RBM33: variants seen among roughly 807,000 people sequenced by gnomAD.
RBM33 encodes the protein RNA-binding protein 33.
A neutral mutation model predicts 132.6 loss-of-function variants in RBM33; 28 were observed. The observed-to-expected ratio is 0.21, with a 90% CI of 0.16 to 0.29. The LOEUF (loss-of-function observed/expected upper bound fraction) is 0.29. Ranked by LOEUF, RBM33 falls within the 10% of genes least tolerant of loss-of-function variation. The pLI, the probability that RBM33 is intolerant of heterozygous loss-of-function variation, is 1.00. For missense variants in RBM33, 1,291 were observed against 1,518.5 expected, an observed-to-expected ratio of 0.85 and a Z score of 2.49; for synonymous variants, 634 against 593.0, an observed-to-expected ratio of 1.07 and a Z score of -1.01.
In RBM33 at chr7:155,700,773, G is replaced by C; in HGVS notation, c.568G>C (p.Gly190Arg). 1 of 1,557,266 alleles carries C rather than the reference G, an allele frequency of 6.4e-7. No homozygotes were observed. The highest frequency in any genetic ancestry group is 1.2e-5 in the South Asian group (1 of 84,206). ...TTTGCCTTGTGTATCTGCAATATAG[G>C]GAGGTATGGAAACATTGGAACTTCA... Reference protein sequence around the residue: ...EINEPLDEFTGGMETLELQKD... With the variant: ...EINEPLDEFTRGMETLELQKD... The change falls in exon 6 of 18, where the codon GGA becomes CGA. Residue 190 changes from glycine (G) to arginine (R), a missense_variant and splice_region_variant. This residue lies in a region of RBM33 where 194 missense variants were observed against 249.8 expected (regional missense o/e 0.78). Transcript: ENST00000401878.
In RBM33 at chr7:155,739,713, A is replaced by G; in HGVS notation, c.1738-2A>G. 1 of 1,543,288 alleles carries G rather than the reference A, an allele frequency of 6.5e-7. No homozygotes were observed. Among genetic ancestry groups the G allele is most frequent in the Non-Finnish European group, 8.8e-7 (1 of 1,142,840 alleles). ...TTGTTTCTCTTTCTTTGGAAATGGA[A>G]GGGGCCGTTGCATCCTCCATTGCCC... On this transcript the variant is annotated splice_acceptor_variant, in intron 11 of 17. Coordinates refer to ENST00000401878, the MANE Select transcript of RBM33 (RefSeq NM_053043.3). LOFTEE classifies it high-confidence loss of function.
chr7:155,689,280 C>G (rs1799565240), intron 5 of RBM33, among the ~76,000 whole-genome samples: 2 of 152,164 alleles, frequency 1.3e-5, no homozygotes, highest in South Asian at 2.1e-4. Flanking sequence ...ATAGTATTCT[C>G]TGATGGTAGT....
chr7:155,697,737 G>C lies in RBM33; in HGVS notation c.568-3036G>C, dbSNP rs575610958. 4.6e-5 allele frequency among the ~76,000 whole-genome samples: 7 copies of C among 152,274 alleles called. No homozygotes were observed. The South Asian group carries it at 1.5e-3, about 32-fold the overall frequency. The stretch of plus-strand genomic sequence containing the variant: ...AACTTCAAAATATATACAAGTCTGA[G>C]TATTTTTCCCTCTTTGCTTTTCCAG... On this transcript the variant is annotated intron_variant, in intron 5 of 17. Coordinates refer to ENST00000401878, the MANE Select transcript of RBM33 (RefSeq NM_053043.3).
rs754177553 is a variant in RBM33 at position 155,739,879 on chromosome 7, GCAC to G, written c.1922_1924del (p.His641del). On this transcript the variant is annotated inframe_deletion, in exon 12 of 18. Coordinates refer to ENST00000401878, the MANE Select transcript of RBM33 (RefSeq NM_053043.3). Reference sequence around the variant, plus strand: ...CACCACAGCACCCGCCGCAGCACCAGCACCACCACCACCACCACCACCTGTCCG... The same window carrying G: ...CACCACAGCACCCGCCGCAGCACCAGCACCACCACCACCACCACCTGTCCG... The G allele has an allele frequency of 9.5e-5, 129 of 1,359,786 alleles. No homozygotes were observed. Among genetic ancestry groups the G allele is most frequent in the Middle Eastern group, 2.0e-4 (1 of 5,100 alleles). 84.2% of individuals were successfully genotyped at this position (1,359,786 alleles called of 1,614,324 possible). A position where few individuals can be genotyped will look rare whatever the true frequency, so the allele number is the denominator to read the frequency against.
At chr7:155,682,950 C>T (rs1799374989) in intron 5 of RBM33, among the ~76,000 whole-genome samples, 1 of 151,746 alleles carries the variant, frequency 6.6e-6, no homozygotes, top group Non-Finnish European at 1.5e-5. Context: ...TTTAATAATA[C>T]TCACGGTACT....
chr7:155,669,439 A>G (rs1048626079), intron 2 of RBM33, among the ~76,000 whole-genome samples: 6 of 152,096 alleles, frequency 3.9e-5, no homozygotes, highest in African/African-American at 1.2e-4. Flanking sequence ...TGCAACCTCT[A>G]CCTCCCAGGT....
intron 9 of RBM33, among the ~76,000 whole-genome samples, chr7:155,722,651 A>G (rs2116998077): frequency 6.6e-6 from 1 of 152,316 alleles, no homozygotes; most frequent in Admixed American, 6.5e-5. Flanking sequence ...GCCCACTTAA[A>G]AAAAGTAACA....
intron 6 of RBM33, among the ~76,000 whole-genome samples, chr7:155,705,194 A>C (rs879415364): frequency 6.6e-6 from 1 of 152,216 alleles, no homozygotes; most frequent in Non-Finnish European, 1.5e-5. Flanking sequence ...GAAGTTACAA[A>C]TGTAATTTCC....
chr7:155,734,974 C>T (rs888852944), intron 9 of RBM33, among the ~76,000 whole-genome samples: 6 of 152,064 alleles, frequency 3.9e-5, no homozygotes, highest in Non-Finnish European at 7.4e-5. Context: ...TATTTTAAAA[C>T]GTTTTGAAAT....
chr7:155,750,991 TC>T (rs1480464997), intron 14 of RBM33, among the ~76,000 whole-genome samples: 1 of 152,152 alleles, frequency 6.6e-6, no homozygotes, highest in African/African-American at 2.4e-5. Flanking sequence ...ATGCCGAAGG[TC>T]CCAGTTTATT....
In RBM33 at chr7:155,746,744, A is replaced by G. The variant is rs1053255606; in HGVS notation, c.2979+1142A>G. 4.6e-5 allele frequency: 7 copies of G among 152,242 alleles called. No individual in the cohort carries two copies. In the East Asian group the frequency reaches 5.8e-4, roughly 13 times the overall value. 9.4% of individuals were successfully genotyped at this position (152,242 alleles called of 1,614,324 possible). A position where few individuals can be genotyped will look rare whatever the true frequency, so the allele number is the denominator to read the frequency against. On this transcript the variant is annotated intron_variant, in intron 14 of 17. Coordinates refer to ENST00000401878, the MANE Select transcript of RBM33 (RefSeq NM_053043.3). Reference sequence around the variant, plus strand: ...ATGGTCTCTGTAATTGCTCTGCCCTATAACAGTGCTATTCATTGTATGCAA... The same window carrying G: ...ATGGTCTCTGTAATTGCTCTGCCCTGTAACAGTGCTATTCATTGTATGCAA...
At chr7:155,679,896 ATTG>A (rs890706629) in intron 4 of RBM33, among the ~76,000 whole-genome samples, 1 of 152,060 alleles carries the variant, frequency 6.6e-6, no homozygotes, top group Non-Finnish European at 1.5e-5. Flanking sequence ...CTTGCACCTT[ATTG>A]TTTGGTATTT....
At position 155,777,339 on chromosome 7, in the gene RBM33, A is replaced by G. The variant is rs1272224926; in HGVS notation, c.*2298A>G. On this transcript the variant is annotated 3_prime_UTR_variant, in exon 18 of 18. Transcript: ENST00000401878. ...GAATGTTCTTGAAAGGTGATTGGCA[A>G]AGTCATGCAGGCCCGCCTTAAAGCG... 2 of 152,314 alleles carry G rather than the reference A, an allele frequency of 1.3e-5. No individual in the cohort carries two copies. The highest frequency in any genetic ancestry group is 1.9e-4 in the East Asian group (1 of 5,198). 9.4% of individuals were successfully genotyped at this position (152,314 alleles called of 1,614,324 possible).
At chr7:155,649,970 C>G (rs1037303347) in intron 1 of RBM33, among the ~76,000 whole-genome samples, 1 of 152,180 alleles carries the variant, frequency 6.6e-6, no homozygotes, top group Non-Finnish European at 1.5e-5. Context: ...ATGTGCCCAG[C>G]CTTCAGCATA....
intron 2 of RBM33, 58 bp from the exon 3 acceptor site, chr7:155,672,809 A>G (rs985109697): frequency 2.3e-6 from 3 of 1,330,588 alleles, no homozygotes; most frequent in African/African-American, 3.0e-5. Context: ...CAAGTGATCT[A>G]CAAACTTGCA....
chr7:155,766,499 C>G lies in RBM33; in HGVS notation c.3219C>G (p.Ala1073=), dbSNP rs545044951. 18 of 1,613,668 alleles carry G rather than the reference C, an allele frequency of 1.1e-5. No homozygotes were observed. The highest frequency in any genetic ancestry group is 1.5e-5 in the Non-Finnish European group (18 of 1,179,842). ...AIMHGRGRGV[A]GPMGRGRLMP... ...TGCACGGACGAGGCAGAGGAGTGGC[C>G]GGTCCCATGGGCCGGGGGCGCCTGA... Residue 1073 remains alanine (A), a synonymous_variant, in exon 16 of 18, where the codon GCC becomes GCG. Transcript: ENST00000401878.
intron 14 of RBM33, among the ~76,000 whole-genome samples, chr7:155,748,911 A>C (rs750691923): frequency 1.4e-4 from 21 of 151,960 alleles, no homozygotes; most frequent in Non-Finnish European, 2.5e-4. Flanking sequence ...AAAAGTGACT[A>C]TGCAGATTCA....
chr7:155,713,038 C>A (rs1563156313), intron 8 of RBM33, among the ~76,000 whole-genome samples: 1 of 151,984 alleles, frequency 6.6e-6, no homozygotes, highest in Non-Finnish European at 1.5e-5. Context: ...GAGCTCAGAG[C>A]TGGATGAAGT....
At chr7:155,723,521 A>G (rs1214156939) in intron 9 of RBM33, among the ~76,000 whole-genome samples, 1 of 152,264 alleles carries the variant, frequency 6.6e-6, no homozygotes, top group Non-Finnish European at 1.5e-5. Flanking sequence ...AATCGTGATT[A>G]CCATACATTA....
Sources: gnomAD v4.1 joint callset for allele counts (sites outside exome capture counted in the v4.1 genomes callset) on GRCh38, gnomAD v4.1.1 for gene constraint, gnomAD v4.1.1 regional missense constraint, MANE v1.5 for transcripts, NCBI Gene and HGNC (gene_info 2026-07-23, HGNC 2026-07-21) for gene names.